The following GIMAP7 variants were observed in gnomAD, a reference collection of about 807,000 sequenced individuals.
GIMAP7 encodes GTPase, IMAP family member 7, also known as GTPase IMAP family member 7.
For missense variants in GIMAP7, 323 were observed against 359.7 expected (o/e 0.90, Z 0.83); for synonymous variants, 137 against 129.3 (o/e 1.06, Z -0.40).
intron 1 of GIMAP7, among the ~76,000 whole-genome samples, chr7:150,515,763 A>G (rs1267586355): frequency 2.6e-5 from 1 of 38,802 alleles, no homozygotes; most frequent in Non-Finnish European, 4.8e-5. Flanking sequence ...TTTTAAAGTG[A>G]TATTTCTGAC....
chr7:150,516,068 C>T (rs1795134492), intron 1 of GIMAP7, among the ~76,000 whole-genome samples: 1 of 152,164 alleles, frequency 6.6e-6, no homozygotes, highest in Non-Finnish European at 1.5e-5. Flanking sequence ...TACCTCTTAG[C>T]ACAGTGACCA....
chr7:150,515,103 A>T (rs1408825409), intron 1 of GIMAP7, among the ~76,000 whole-genome samples, 158 bp downstream of exon 1: 2 of 152,006 alleles, frequency 1.3e-5, no homozygotes, highest in Admixed American at 1.3e-4. Flanking sequence ...GTAGAAGGGG[A>T]GTGAGGAGAT....
intron 1 of GIMAP7, 149 bp from the exon 2 acceptor site, chr7:150,519,785 G>A (rs535033467): frequency 1.7e-4 from 93 of 563,150 alleles, no homozygotes; most frequent in African/African-American, 3.2e-4. Flanking sequence ...CATATTAATC[G>A]GACTATTTCA....
Position 150,520,621 on chromosome 7 carries a change from G to C in GIMAP7, c.647G>C (p.Arg216Pro). 6.2e-7 allele frequency: 1 copy of C among 1,603,292 alleles called. No individual in the cohort carries two copies. The highest frequency in any genetic ancestry group is 1.7e-4 in the Middle Eastern group (1 of 6,014). ...YKDTEERLKQ[R>P]EEVLRKIYTD... The stretch of plus-strand genomic sequence containing the variant: ...GACACAGAGGAAAGGCTGAAACAAC[G>C]GGAAGAGGTTTTGAGGAAAATCTAC... Residue 216 changes from arginine to proline, a missense_variant, in exon 2 of 2, where the codon CGG becomes CCG. Transcript: ENST00000313543.
chr7:150,519,304 T>A (rs1049346892), intron 1 of GIMAP7, among the ~76,000 whole-genome samples: 6 of 152,178 alleles, frequency 3.9e-5, no homozygotes, highest in African/African-American at 1.4e-4. Flanking sequence ...GAAATAGATA[T>A]TTTTTCTGTT....
At chr7:150,515,505 C>T (rs923630491) in intron 1 of GIMAP7, among the ~76,000 whole-genome samples, 1 of 152,138 alleles carries the variant, frequency 6.6e-6, no homozygotes, top group African/African-American at 2.4e-5. Context: ...CATAAAAGAC[C>T]TTTATAGAAA....
intron 1 of GIMAP7, among the ~76,000 whole-genome samples, chr7:150,518,327 T>A (rs1225068240): frequency 6.6e-6 from 1 of 152,158 alleles, no homozygotes; most frequent in Non-Finnish European, 1.5e-5. Context: ...TTATCTGTTT[T>A]CCCCATACCT....
At chr7:150,519,897 A>C (rs1305891575) in intron 1 of GIMAP7, 37 bp from the exon 2 acceptor site, 1 of 1,351,296 alleles carries the variant, frequency 7.4e-7, no homozygotes, top group African/African-American at 1.5e-5. Context: ...TCACTTACTA[A>C]AACTGGCTTT....
Position 150,520,288 on chromosome 7 carries a change from C to T in GIMAP7, c.314C>T (p.Thr105Ile). The change falls in exon 2 of 2, where the codon ACA becomes ATA. Residue 105 changes from threonine to isoleucine, a missense_variant. By Grantham distance (89) the Thr-to-Ile change is moderately conservative. Transcript: ENST00000313543. ...CTAGTTCTGCTGCTGGGCCGCTACACAGAGGAGGAGCAGAAAACCGTTGCA... is the reference window on the plus strand; with the variant it reads ...CTAGTTCTGCTGCTGGGCCGCTACATAGAGGAGGAGCAGAAAACCGTTGCA... ...IVLVLLLGRYTEEEQKTVALI... is the reference protein window; with the variant it reads ...IVLVLLLGRYIEEEQKTVALI... 3 of 1,614,118 alleles carry T rather than the reference C, an allele frequency of 1.9e-6. No individual in the cohort carries two copies. Among genetic ancestry groups the T allele is most frequent in the Non-Finnish European group, 2.5e-6 (3 of 1,180,040 alleles).
chr7:150,521,014 AT>A lies in GIMAP7; in HGVS notation c.*138del, dbSNP rs1367082278. On this transcript the variant is annotated 3_prime_UTR_variant, in exon 2 of 2. Transcript: ENST00000313543. ...TTAATGTATATAATGTGATTTTTAA[AT>A]ATATATATATATATACACACATTGT... 1.5e-5 allele frequency: 1 copy of A among 66,494 alleles called. No homozygotes were observed. The highest frequency in any genetic ancestry group is 1.6e-4 in the African/African-American group (1 of 6,236). The allele number at this position is 66,494 out of a possible 1,614,324, so 4.1% of individuals were successfully genotyped here.
At chr7:150,518,761 C>T (rs747478500) in intron 1 of GIMAP7, among the ~76,000 whole-genome samples, 1 of 152,028 alleles carries the variant, frequency 6.6e-6, no homozygotes, top group Non-Finnish European at 1.5e-5. Context: ...TTAACATCCT[C>T]CCCACTCCCA....
chr7:150,515,160 G>A (rs1795122011), intron 1 of GIMAP7, among the ~76,000 whole-genome samples: 1 of 152,184 alleles, frequency 6.6e-6, no homozygotes, highest in South Asian at 2.1e-4. Context: ...GGACACACAT[G>A]GCTGCATAGT....
At chr7:150,516,453 T>C (rs140888654) in intron 1 of GIMAP7, among the ~76,000 whole-genome samples, 4 of 152,356 alleles carry the variant, frequency 2.6e-5, no homozygotes, top group Admixed American at 2.6e-4. Flanking sequence ...AGTAAATATT[T>C]GAGTATGTGT....
intron 1 of GIMAP7, among the ~76,000 whole-genome samples, chr7:150,516,744 A>G (rs1436642144): frequency 6.6e-6 from 1 of 152,236 alleles, no homozygotes; most frequent in East Asian, 1.9e-4. Context: ...AGAACTGGGC[A>G]GTATTCATAC....
rs78449775 is a variant in GIMAP7, at chr7:150,519,124, A to G, written c.-41-810A>G. ...ACACTGCTTTAATTATAGAGATTAT[A>G]ATATTTAATTGTCTGGTAGAGCTAG... On this transcript the variant is annotated intron_variant, in intron 1 of 1. Coordinates refer to ENST00000313543, the MANE Select transcript of GIMAP7 (RefSeq NM_153236.4). Among the ~76,000 whole-genome samples, 540 of 152,260 alleles carry G rather than the reference A, an allele frequency of 3.5e-3. 4 individuals are homozygous for G. Among genetic ancestry groups the G allele is most frequent in the African/African-American group, 0.012 (516 of 41,548 alleles).
At position 150,521,011 on chromosome 7, in the gene GIMAP7, TAA is replaced by T; in HGVS notation, c.*136_*137del. On this transcript the variant is annotated 3_prime_UTR_variant, in exon 2 of 2. Coordinates refer to ENST00000313543, the MANE Select transcript of GIMAP7 (RefSeq NM_153236.4). ...TGTTTAATGTATATAATGTGATTTT[TAA>T]ATATATATATATATATACACACATT... is the stretch of plus-strand genomic sequence containing the variant. The T allele has an allele frequency of 3.9e-6, 1 of 253,838 alleles. No individual in the cohort carries two copies. Among genetic ancestry groups the T allele is most frequent in the African/African-American group, 4.8e-5 (1 of 20,914 alleles). The allele number at this position is 253,838 out of a possible 1,614,324, so 15.7% of individuals were successfully genotyped here. A position where few individuals can be genotyped will look rare whatever the true frequency, so the allele number is the denominator to read the frequency against.
At chr7:150,515,342 T>C (rs1438475990) in intron 1 of GIMAP7, among the ~76,000 whole-genome samples, 5 of 152,146 alleles carry the variant, frequency 3.3e-5, no homozygotes, top group African/African-American at 1.2e-4. Context: ...CCCAGAGATT[T>C]TGATGATTCT....
In GIMAP7 at chr7:150,520,871, T is replaced by C. The variant is rs1466804584; in HGVS notation, c.897T>C (p.Ser299=). Residue 299 remains serine, a synonymous_variant, in exon 2 of 2, where the codon TCT becomes TCC. Transcript: ENST00000313543. The part of the protein sequence containing the change: ...HRFLSKCKFY[S]S ...TTTTGTCGAAATGTAAGTTTTATTCTTCCTAATTTACTGTGATTTGTTAAT... is the reference window on the plus strand; with the variant it reads ...TTTTGTCGAAATGTAAGTTTTATTCCTCCTAATTTACTGTGATTTGTTAAT... The C allele has an allele frequency of 6.3e-6, 9 of 1,436,284 alleles. No individual in the cohort carries two copies. The highest frequency in any genetic ancestry group is 8.3e-6 in the Non-Finnish European group (9 of 1,083,916). The allele number at this position is 1,436,284 out of a possible 1,614,324, so 89.0% of individuals were successfully genotyped here. A position where few individuals can be genotyped will look rare whatever the true frequency, so the allele number is the denominator to read the frequency against.
Position 150,520,627 on chromosome 7 carries a change from A to G in GIMAP7, c.653A>G (p.Glu218Gly), listed in dbSNP as rs760653252. Reference sequence around the variant, plus strand: ...GAGGAAAGGCTGAAACAACGGGAAGAGGTTTTGAGGAAAATCTACACTGAC... The same window carrying G: ...GAGGAAAGGCTGAAACAACGGGAAGGGGTTTTGAGGAAAATCTACACTGAC... ...DTEERLKQRE[E>G]VLRKIYTDQL... is the part of the protein sequence containing the mutation. The change falls in exon 2 of 2, where the codon GAG becomes GGG. Residue 218 changes from glutamate to glycine, a missense_variant. Coordinates refer to ENST00000313543, the MANE Select transcript of GIMAP7 (RefSeq NM_153236.4). The G allele has an allele frequency of 1.2e-6, 2 of 1,612,938 alleles. No homozygotes were observed. The highest frequency in any genetic ancestry group is 1.7e-6 in the Non-Finnish European group (2 of 1,179,522).
Sources: gnomAD v4.1 joint callset for allele counts (sites outside exome capture counted in the v4.1 genomes callset) on GRCh38, gnomAD v4.1.1 for gene constraint, MANE v1.5 for transcripts, NCBI Gene and HGNC (gene_info 2026-07-23, HGNC 2026-07-21) for gene names.